SLC25A26: variants seen among roughly 807,000 people sequenced by gnomAD.
SLC25A26 encodes mitochondrial S-adenosylmethionine carrier protein.
SLC25A26 carries 36 observed loss-of-function variants against 37.8 expected under a neutral mutation model. The observed-to-expected ratio is 0.95, with a 90% CI of 0.73 to 1.26. The LOEUF (loss-of-function observed/expected upper bound fraction) is 1.26. Among genes scored for constraint, SLC25A26 ranks in the 50% most tolerant of loss-of-function variants. SLC25A26 has a pLI of 0.00. For synonymous variants in SLC25A26, 129 were observed against 122.5 expected, an observed-to-expected ratio of 1.05 and a Z score of -0.35; for missense variants, 390 against 331.1, an observed-to-expected ratio of 1.18 and a Z score of -1.38.
At chr3:66,304,338 T>C (rs2107572688) in intron 5 of SLC25A26, 1 of 431,884 alleles carries the variant, frequency 2.3e-6, no homozygotes, top group South Asian at 1.7e-5. Flanking sequence ...TTAAAAAGAT[T>C]CTGGAGCATA....
chr3:66,319,460 T>G (rs1480168489), intron 5 of SLC25A26, among the ~76,000 whole-genome samples: 2 of 152,212 alleles, frequency 1.3e-5, no homozygotes, highest in African/African-American at 2.4e-5. Flanking sequence ...ATTTTTCTTA[T>G]GACTGGGGGA....
chr3:66,304,331 A>C, intron 5 of SLC25A26: 1 of 420,928 alleles, frequency 2.4e-6, no homozygotes, highest in Non-Finnish European at 4.7e-6. Flanking sequence ...TCTTGATTTA[A>C]AAAGATTCTG....
chr3:66,347,847 C>T (rs998852522), intron 6 of SLC25A26, among the ~76,000 whole-genome samples: 2 of 152,024 alleles, frequency 1.3e-5, no homozygotes, highest in African/African-American at 4.8e-5. Flanking sequence ...GAGCTGGAAG[C>T]CATTATCCTC....
intron 5 of SLC25A26, among the ~76,000 whole-genome samples, chr3:66,302,432 A>C (rs950188904): frequency 6.6e-6 from 1 of 152,172 alleles, no homozygotes; most frequent in Non-Finnish European, 1.5e-5. Flanking sequence ...GTTTTGACAG[A>C]AACTGCTCTC....
At chr3:66,247,323 A>G (rs1470581412) in intron 3 of SLC25A26, among the ~76,000 whole-genome samples, 1 of 152,096 alleles carries the variant, frequency 6.6e-6, no homozygotes, top group Non-Finnish European at 1.5e-5. Context: ...TTACAAATGA[A>G]TGAATGATGG....
chr3:66,250,258 G>A (rs1008072924), intron 3 of SLC25A26, among the ~76,000 whole-genome samples: 1 of 152,166 alleles, frequency 6.6e-6, no homozygotes, highest in Non-Finnish European at 1.5e-5. Context: ...CTAGTGATGT[G>A]GATTTAGATC....
At chr3:66,348,865 G>T (rs186337434) in intron 6 of SLC25A26, among the ~76,000 whole-genome samples, 5 of 152,280 alleles carry the variant, frequency 3.3e-5, no homozygotes, top group Admixed American at 3.3e-4. Context: ...AGGGCATGAT[G>T]TAACAGCTAT....
intron 5 of SLC25A26, among the ~76,000 whole-genome samples, chr3:66,302,231 TAA>T (rs571589895): frequency 9.9e-5 from 15 of 152,200 alleles, no homozygotes; most frequent in Non-Finnish European, 2.1e-4. Context: ...CTCTAGACCA[TAA>T]ATTTCAAAGA....
chr3:66,136,565 A>G (rs1324352409), intron 1 of SLC25A26, among the ~76,000 whole-genome samples: 1 of 152,238 alleles, frequency 6.6e-6, no homozygotes, highest in African/African-American at 2.4e-5. Flanking sequence ...TTGTATTTTA[A>G]AAGATGGCTT....
At chr3:66,267,385 G>A (rs2073794960) in intron 5 of SLC25A26, among the ~76,000 whole-genome samples, 1 of 152,198 alleles carries the variant, frequency 6.6e-6, no homozygotes, top group African/African-American at 2.4e-5. Context: ...CCAAGGGAGG[G>A]CCTTCAAGAG....
upstream of SLC25A26, among the ~76,000 whole-genome samples, chr3:66,219,407 A>C (rs2071411790): frequency 1.3e-5 from 2 of 152,224 alleles, no homozygotes; most frequent in Admixed American, 6.5e-5. Flanking sequence ...TAAGGTCTCT[A>C]ATCAGTTGAC....
At chr3:66,298,990 A>G (rs2074990886) in intron 5 of SLC25A26, among the ~76,000 whole-genome samples, 1 of 152,184 alleles carries the variant, frequency 6.6e-6, no homozygotes, top group Admixed American at 6.5e-5. Context: ...CCATCTAAAA[A>G]CTCAGTGTGT....
chr3:66,296,842 G>A (rs2074917914), intron 5 of SLC25A26, among the ~76,000 whole-genome samples: 1 of 152,178 alleles, frequency 6.6e-6, no homozygotes, highest in Non-Finnish European at 1.5e-5. Flanking sequence ...GGATGAGAAA[G>A]GTGCAGGACC....
intron 1 of SLC25A26, 131 bp from the exon 2 acceptor site, chr3:66,236,413 G>C: frequency 1.8e-6 from 1 of 565,700 alleles, no homozygotes; most frequent in Non-Finnish European, 2.7e-6. Context: ...TTGTGCCGCA[G>C]AAGTTGTGGA....
intron 5 of SLC25A26, among the ~76,000 whole-genome samples, chr3:66,339,607 T>C (rs1277747961): frequency 1.3e-5 from 2 of 151,990 alleles, no homozygotes; most frequent in African/African-American, 4.8e-5. Context: ...TCATGGTTTT[T>C]ATTTGCATTT....
intron 1 of SLC25A26, among the ~76,000 whole-genome samples, chr3:66,197,622 G>T (rs1424588564): frequency 6.6e-6 from 1 of 152,114 alleles, no homozygotes; most frequent in Non-Finnish European, 1.5e-5. Flanking sequence ...AATGTCAAAT[G>T]CAGGGTGAAC....
intron 5 of SLC25A26, among the ~76,000 whole-genome samples, chr3:66,294,838 C>A (rs577487909): frequency 6.6e-6 from 1 of 152,254 alleles, no homozygotes; most frequent in African/African-American, 2.4e-5. Context: ...GCAAAAATGA[C>A]CATGATGCTC....
intron 1 of SLC25A26, among the ~76,000 whole-genome samples, chr3:66,178,049 C>G (rs560991514): frequency 6.6e-6 from 1 of 152,118 alleles, no homozygotes; most frequent in Non-Finnish European, 1.5e-5. Context: ...TGAGACAGCT[C>G]GTGGGAATTG....
intron 1 of SLC25A26, among the ~76,000 whole-genome samples, chr3:66,210,899 C>T (rs1030568725): frequency 6.9e-4 from 105 of 152,250 alleles, no homozygotes; most frequent in Non-Finnish European, 1.4e-3. Context: ...GAAGGTGAGG[C>T]AACAGTCAGG....
Sources: allele counts gnomAD v4.1 joint callset (sites outside exome capture counted in the v4.1 genomes callset), GRCh38; gene constraint gnomAD v4.1.1; transcripts MANE v1.5; gene names NCBI Gene and HGNC (gene_info 2026-07-23, HGNC 2026-07-21).